The following NT5E variants were observed in gnomAD, a reference collection of about 807,000 sequenced individuals.
NT5E encodes the protein 5'-nucleotidase.
NT5E carries 53 observed loss-of-function variants against 55.1 expected under a neutral mutation model. The ratio of observed to expected loss-of-function variants is 0.96; its 90% CI spans 0.77 to 1.21. The LOEUF (loss-of-function observed/expected upper bound fraction) is 1.21. NT5E is among the 50% of genes most tolerant of loss of function. The pLI is 0.00. For synonymous variants in NT5E, 270 were observed against 278.4 expected (o/e 0.97, Z 0.30); for missense variants, 683 against 724.3 (o/e 0.94, Z 0.65).
chr6:85,460,615 A>C (rs999578957), intron 1 of NT5E, among the ~76,000 whole-genome samples: 1 of 152,086 alleles, frequency 6.6e-6, no homozygotes, highest in Non-Finnish European at 1.5e-5. Context: ...GCATGACCAC[A>C]CTGTCCTGAG....
Position 85,456,336 on chromosome 6 carries a change from AC to A in NT5E, c.339+5859del, listed in dbSNP as rs1392138459. ...AGTAAAGTGCTTTCCAAGTTCTGTG[AC>A]TCGTTCTAGCCAATTATCAATCCCA... On this transcript the variant is annotated intron_variant, in intron 1 of 8. Transcript: ENST00000257770. 8.5e-5 allele frequency among the ~76,000 whole-genome samples: 13 copies of A among 152,158 alleles called. No individual in the cohort carries two copies. The South Asian group carries it at 2.5e-3, about 29-fold the overall frequency.
At chr6:85,474,155 C>T (rs2127721893) in intron 3 of NT5E, among the ~76,000 whole-genome samples, 2 of 152,308 alleles carry the variant, frequency 1.3e-5, no homozygotes, top group Middle Eastern at 6.8e-3. Flanking sequence ...GTAGCATTTG[C>T]ATATGACCTG....
chr6:85,492,423 C>A (rs1769806063), intron 8 of NT5E, among the ~76,000 whole-genome samples: 1 of 152,198 alleles, frequency 6.6e-6, no homozygotes, highest in Non-Finnish European at 1.5e-5. Context: ...TTTTAAAATT[C>A]TTTTAACTAC....
intron 1 of NT5E, among the ~76,000 whole-genome samples, chr6:85,453,474 A>G (rs1356985955): frequency 1.3e-5 from 2 of 152,182 alleles, no homozygotes; most frequent in Non-Finnish European, 2.9e-5. Context: ...GCCCTCTACC[A>G]TCTTACCTAA....
rs777132696 is a variant in NT5E, at chr6:85,469,342, G to A, written c.563-1895G>A. ...AAGCAAAAGATGGTAGCATACTCTC[G>A]ACATTTAGTCATTCCCCTGGGTACC... On this transcript the variant is annotated intron_variant, in intron 2 of 8. Transcript: ENST00000257770. 2.6e-5 allele frequency among the ~76,000 whole-genome samples: 4 copies of A among 151,802 alleles called. No homozygotes were observed. In the East Asian group the frequency reaches 7.7e-4, roughly 29 times the overall value.
At chr6:85,474,135 T>C (rs1363721350) in intron 3 of NT5E, among the ~76,000 whole-genome samples, 1 of 152,206 alleles carries the variant, frequency 6.6e-6, no homozygotes, top group Non-Finnish European at 1.5e-5. Flanking sequence ...AAGTCCCTTA[T>C]ATAAATGGTG....
chr6:85,457,132 G>A (rs1562135272), intron 1 of NT5E, among the ~76,000 whole-genome samples: 1 of 152,170 alleles, frequency 6.6e-6, no homozygotes, highest in Non-Finnish European at 1.5e-5. Context: ...CACAGAGGCT[G>A]GATTCTTCTA....
chr6:85,452,533 G>A (rs186052557), intron 1 of NT5E, among the ~76,000 whole-genome samples: 183 of 152,212 alleles, frequency 1.2e-3, no homozygotes, highest in Middle Eastern at 6.8e-3. Flanking sequence ...AATTGAATTG[G>A]GTTCTGAGGA....
At position 85,450,888 on chromosome 6, in the gene NT5E, A is replaced by G. The variant is rs1212549537; in HGVS notation, c.339+410A>G. 6.6e-6 allele frequency among the ~76,000 whole-genome samples: 1 copy of G among 152,230 alleles called. No individual in the cohort carries two copies. The highest frequency in any genetic ancestry group is 2.4e-5 in the African/African-American group (1 of 41,454). On this transcript the variant is annotated intron_variant, in intron 1 of 8. Transcript: ENST00000257770. This position sits in a 1 kb window ranked among gnomAD's most constrained non-coding sequence, Gnocchi z 4.0. ...AAAATGCTTTATCTCAATCTTATTGAAAGGGAAACCGCGTCGAAGAAGCTG... is the reference window on the plus strand; with the variant it reads ...AAAATGCTTTATCTCAATCTTATTGGAAGGGAAACCGCGTCGAAGAAGCTG...
chr6:85,474,391 A>T (rs943255122), intron 3 of NT5E, among the ~76,000 whole-genome samples: 2 of 152,254 alleles, frequency 1.3e-5, no homozygotes, highest in African/African-American at 2.4e-5. Flanking sequence ...AGCCAACTGT[A>T]TGTGCCTTTG....
At position 85,490,612 on chromosome 6, in the gene NT5E, G is replaced by T. The variant is rs781684532; in HGVS notation, c.1315G>T (p.Val439Leu). ...STLKKAFEHSVHRYGQSTGEF... is the reference protein window; with the variant it reads ...STLKKAFEHSLHRYGQSTGEF... ...CCTGAAGAAGGCCTTTGAGCATAGC[G>T]TGCACCGCTACGGCCAGTCCACTGG... Residue 439 changes from valine (V) to leucine (L), a missense_variant, in exon 7 of 9, where the codon GTG (valine) becomes TTG (leucine). Val to Leu is a conservative substitution (Grantham distance 32, BLOSUM62 1). Transcript: ENST00000257770. 11 of 1,614,054 alleles carry T rather than the reference G, an allele frequency of 6.8e-6. No individual in the cohort carries two copies. Among genetic ancestry groups the T allele is most frequent in the Non-Finnish European group, 7.6e-6 (9 of 1,180,032 alleles).
chr6:85,451,733 T>C (rs1768862409), intron 1 of NT5E, among the ~76,000 whole-genome samples: 1 of 152,164 alleles, frequency 6.6e-6, no homozygotes, highest in African/African-American at 2.4e-5. Flanking sequence ...CAGTACACTT[T>C]ATATGAGAAG....
intron 6 of NT5E, among the ~76,000 whole-genome samples, chr6:85,489,833 G>A (rs1769746203): frequency 6.6e-6 from 1 of 152,148 alleles, no homozygotes; most frequent in African/African-American, 2.4e-5. Flanking sequence ...CACAGAAGCT[G>A]CAGGTAAGGT....
intron 3 of NT5E, among the ~76,000 whole-genome samples, chr6:85,474,949 C>T (rs1222415519): frequency 1.3e-5 from 2 of 152,142 alleles, no homozygotes; most frequent in Admixed American, 1.3e-4. Context: ...ACAGCAACAA[C>T]AGCAAAAACA....
chr6:85,492,696 T>C (rs759916896), intron 8 of NT5E, among the ~76,000 whole-genome samples: 4 of 152,178 alleles, frequency 2.6e-5, no homozygotes, highest in Non-Finnish European at 5.9e-5. Flanking sequence ...AGGGACATTA[T>C]ATGCCAGCCT....
chr6:85,450,499 C>T lies in NT5E; in HGVS notation c.339+21C>T. 2 of 1,565,568 alleles carry T rather than the reference C, an allele frequency of 1.3e-6. No homozygotes were observed. The highest frequency in any genetic ancestry group is 1.7e-6 in the Non-Finnish European group (2 of 1,154,216). On this transcript the variant is annotated intron_variant, in intron 1 of 8. Coordinates refer to ENST00000257770, the MANE Select transcript of NT5E (RefSeq NM_002526.4). The surrounding 1 kb of genome is among the most constrained non-coding windows in gnomAD (Gnocchi z 4.0). The stretch of plus-strand genomic sequence containing the variant: ...CCATGGTAAGACCCGAGCCCGCGCC[C>T]GGGATAGTAGTCCCGGACTGAGAGA...
intron 1 of NT5E, among the ~76,000 whole-genome samples, chr6:85,453,378 A>C (rs1768928942): frequency 6.6e-6 from 1 of 152,044 alleles, no homozygotes; most frequent in African/African-American, 2.4e-5. Flanking sequence ...CTGGGTGGGG[A>C]GGAGGGGAAT....
At chr6:85,462,267 G>A (rs1769112747) in intron 1 of NT5E, among the ~76,000 whole-genome samples, 1 of 151,990 alleles carries the variant, frequency 6.6e-6, no homozygotes, top group African/African-American at 2.4e-5. Context: ...AGCACCCCCG[G>A]ACTGCCTCCA....
At chr6:85,486,345 A>G (rs1176126882) in intron 4 of NT5E, among the ~76,000 whole-genome samples, 1 of 152,232 alleles carries the variant, frequency 6.6e-6, no homozygotes, top group African/African-American at 2.4e-5. Flanking sequence ...CTGGTTACAA[A>G]TAATCCATGG....
Sources: gnomAD v4.1 joint callset for allele counts (sites outside exome capture counted in the v4.1 genomes callset) on GRCh38, gnomAD v4.1.1 for gene constraint, Gnocchi (gnomAD v3.1) non-coding constraint, MANE v1.5 for transcripts, NCBI Gene and HGNC (gene_info 2026-07-23, HGNC 2026-07-21) for gene names.